The following PLXDC2 variants were observed in gnomAD, a reference collection of about 807,000 sequenced individuals.
PLXDC2 encodes plexin domain-containing protein 2.
Under a neutral mutation model 68.9 loss-of-function variants are expected in PLXDC2, and 40 were observed. The ratio of observed to expected loss-of-function variants is 0.58; its 90% CI spans 0.45 to 0.76. PLXDC2 has a LOEUF of 0.76. Ranked by LOEUF, PLXDC2 falls within the 30% of genes least tolerant of loss-of-function variation. The pLI, the probability that PLXDC2 is intolerant of heterozygous loss-of-function variation, is 0.00. For missense variants in PLXDC2, 644 were observed against 661.9 expected (o/e 0.97, Z 0.30); for synonymous variants, 243 against 234.2 (o/e 1.04, Z -0.34).
chr10:19,879,498 A>T (rs1667652298), intron 1 of PLXDC2, among the ~76,000 whole-genome samples: 1 of 152,164 alleles, frequency 6.6e-6, no homozygotes. Context: ...CTCATTGTGT[A>T]CTAGACACTT....
chr10:20,202,489 G>A (rs1420753935), intron 9 of PLXDC2, among the ~76,000 whole-genome samples: 1 of 152,076 alleles, frequency 6.6e-6, no homozygotes, highest in Non-Finnish European at 1.5e-5. Context: ...AACCCAGCGG[G>A]GCTTAAACTT....
At chr10:20,048,759 A>C (rs1056635030) in intron 3 of PLXDC2, among the ~76,000 whole-genome samples, 1 of 152,044 alleles carries the variant, frequency 6.6e-6, no homozygotes, top group Non-Finnish European at 1.5e-5. Flanking sequence ...GCCGCCCCCC[A>C]AGGTAAGACA....
chr10:19,964,833 C>G (rs879754702), intron 1 of PLXDC2, among the ~76,000 whole-genome samples: 10 of 152,056 alleles, frequency 6.6e-5, no homozygotes, highest in Non-Finnish European at 1.5e-4. Flanking sequence ...TAGGGGGCAA[C>G]TCTAAGAGCC....
intron 4 of PLXDC2, among the ~76,000 whole-genome samples, chr10:20,092,944 C>A (rs558317820): frequency 2.6e-5 from 4 of 152,212 alleles, no homozygotes; most frequent in African/African-American, 9.6e-5. Context: ...CAGAGAGAGT[C>A]CATCCTTGTT....
chr10:19,942,805 A>G (rs184609412), intron 1 of PLXDC2, among the ~76,000 whole-genome samples: 135 of 152,236 alleles, frequency 8.9e-4, no homozygotes, highest in Admixed American at 2.0e-3. Flanking sequence ...ACCGAAACAA[A>G]TAATTGGGTT....
At chr10:19,905,722 C>A (rs181744715) in intron 1 of PLXDC2, among the ~76,000 whole-genome samples, 12 of 152,294 alleles carry the variant, frequency 7.9e-5, no homozygotes, top group East Asian at 5.8e-4. Flanking sequence ...AGAATGAATT[C>A]TTTAATTGCA....
intron 9 of PLXDC2, among the ~76,000 whole-genome samples, chr10:20,177,643 G>T (rs377043785): frequency 6.6e-6 from 1 of 151,926 alleles, no homozygotes; most frequent in South Asian, 2.1e-4. Context: ...GCAGGTGCGT[G>T]CCTGTAGTCT....
At chr10:20,057,265 A>G (rs1426262743) in intron 3 of PLXDC2, among the ~76,000 whole-genome samples, 1 of 152,200 alleles carries the variant, frequency 6.6e-6, no homozygotes, top group Admixed American at 6.5e-5. Context: ...TAGAGTAAAC[A>G]CATCTGAAAG....
intron 4 of PLXDC2, among the ~76,000 whole-genome samples, chr10:20,072,489 GAAAGAGAA>G (rs1230250061): frequency 9.5e-6 from 1 of 105,334 alleles, no homozygotes; most frequent in Non-Finnish European, 1.9e-5. Context: ...AACAAAGAAA[GAAAGAGAA>G]AGAAAGAAAG....
chr10:20,029,031 T>C (rs539272815), intron 2 of PLXDC2, among the ~76,000 whole-genome samples: 16 of 152,320 alleles, frequency 1.1e-4, no homozygotes, highest in East Asian at 3.9e-4. Context: ...TTACCTCTAG[T>C]TGATTTCTGC....
At chr10:20,166,522 G>A (rs577963182) in intron 7 of PLXDC2, among the ~76,000 whole-genome samples, 46 of 152,182 alleles carry the variant, frequency 3.0e-4, no homozygotes, top group African/African-American at 4.1e-4. Flanking sequence ...GAGGATGGCC[G>A]TTCTCACATT....
intron 7 of PLXDC2, among the ~76,000 whole-genome samples, chr10:20,174,793 TA>T (rs998470523): frequency 1.1e-4 from 17 of 150,692 alleles, no homozygotes; most frequent in African/African-American, 2.9e-4. Flanking sequence ...AAAGTATAAT[TA>T]AAAAAAAAGA....
chr10:20,204,460 T>C (rs1284180674), intron 9 of PLXDC2, among the ~76,000 whole-genome samples: 1 of 152,154 alleles, frequency 6.6e-6, no homozygotes, highest in Non-Finnish European at 1.5e-5. Context: ...TGGAGGATCA[T>C]TTTTCATACC....
At chr10:20,001,186 TCTTA>T (rs1479066057) in intron 1 of PLXDC2, among the ~76,000 whole-genome samples, 2 of 152,060 alleles carry the variant, frequency 1.3e-5, no homozygotes, top group Admixed American at 1.3e-4. Flanking sequence ...CTCCTGAGGG[TCTTA>T]CTTATTAAAT....
rs1836019941 is a variant in PLXDC2 at position 20,277,227 on chromosome 10, AAAAAAAAG to A, written c.1474-2474_1474-2467del. Among the ~76,000 whole-genome samples the A allele has an allele frequency of 2.7e-5, 4 of 150,372 alleles. No individual in the cohort carries two copies. The South Asian group carries it at 6.2e-4, about 23-fold the overall frequency. ...CCATCTCAAAAAAAAAAAAAAAAAA[AAAAAAAAG>A]AGTCCCATTCTTTTCATTTATAAAG... On this transcript the variant is annotated intron_variant, in intron 13 of 13. Transcript: ENST00000377252.
intron 1 of PLXDC2, among the ~76,000 whole-genome samples, chr10:19,935,924 A>G (rs950320532): frequency 1.3e-5 from 2 of 152,184 alleles, no homozygotes; most frequent in Non-Finnish European, 2.9e-5. Context: ...TGTTACTGCT[A>G]TTCCTAGTAG....
intron 13 of PLXDC2, among the ~76,000 whole-genome samples, chr10:20,259,781 G>T (rs1835786671): frequency 6.6e-6 from 1 of 152,208 alleles, no homozygotes; most frequent in Admixed American, 6.5e-5. Flanking sequence ...GGGGACCTGT[G>T]TAAGAATTTC....
At chr10:20,131,404 T>G (rs1833866071) in intron 4 of PLXDC2, among the ~76,000 whole-genome samples, 2 of 152,110 alleles carry the variant, frequency 1.3e-5, no homozygotes. Flanking sequence ...ACTTATAATT[T>G]TTTTTCTTTT....
In PLXDC2 at chr10:19,905,696, T is replaced by C. The variant is rs1833146273; in HGVS notation, c.112+88505T>C. 2.0e-5 allele frequency among the ~76,000 whole-genome samples: 3 copies of C among 152,232 alleles called. No individual in the cohort carries two copies. The South Asian group carries it at 6.2e-4, about 31-fold the overall frequency. On this transcript the variant is annotated intron_variant, in intron 1 of 13. Transcript: ENST00000377252. ...TATATTATGATTTAGAATAATTAGC[T>C]CCTTTTGAATACCCTAGAATGAATT...
Sources: allele counts gnomAD v4.1 joint callset (sites outside exome capture counted in the v4.1 genomes callset), GRCh38; gene constraint gnomAD v4.1.1; transcripts MANE v1.5; gene names NCBI Gene and HGNC (gene_info 2026-07-23, HGNC 2026-07-21).